The following GALE variants were observed in gnomAD, a reference collection of about 807,000 sequenced individuals.
GALE encodes UDP-glucose 4-epimerase.
A neutral mutation model predicts 44.1 loss-of-function variants in GALE; 32 were observed. The ratio of observed to expected loss-of-function variants is 0.73; its 90% CI spans 0.55 to 0.97. The LOEUF (loss-of-function observed/expected upper bound fraction) is 0.97, where lower values mean the gene tolerates loss of function less well. Ranked by LOEUF, GALE falls within the 50% of genes least tolerant of loss-of-function variation. GALE has a pLI of 0.00. For synonymous variants in GALE, 182 were observed against 183.5 expected, an observed-to-expected ratio of 0.99 and a Z score of 0.06; for missense variants, 423 against 455.6, an observed-to-expected ratio of 0.93 and a Z score of 0.65.
intron 6 of GALE, 132 bp downstream of exon 6, chr1:23,797,563 C>A: frequency 1.2e-6 from 1 of 858,306 alleles, no homozygotes; most frequent in Non-Finnish European, 1.9e-6. Flanking sequence ...GGGATGGGGC[C>A]CTCCACTGCA....
At position 23,795,659 on chromosome 1, in the gene GALE, A is replaced by G. The variant is rs1638923465; in HGVS notation, c.*290T>C. The G allele has an allele frequency of 8.8e-6, 5 of 569,406 alleles. No individual in the cohort carries two copies. Among genetic ancestry groups the G allele is most frequent in the Non-Finnish European group, 1.6e-5 (5 of 318,330 alleles). The allele number at this position is 569,406 out of a possible 1,614,324, so 35.3% of individuals were successfully genotyped here. A position where few individuals can be genotyped will look rare whatever the true frequency, so the allele number is the denominator to read the frequency against. On this transcript the variant is annotated 3_prime_UTR_variant, in exon 12 of 12. Coordinates refer to ENST00000617979, the MANE Select transcript of GALE (RefSeq NM_001008216.2). ...CTTTGGAAAGCTCTTTCAGAGCAAT[A>G]TAAATGAGTGCCTGGGAGGAGGAGG... is the stretch of plus-strand genomic sequence containing the variant.
At chr1:23,797,936 C>T in intron 5 of GALE, 65 bp from the exon 6 acceptor site, 1 of 1,545,410 alleles carries the variant, frequency 6.5e-7, no homozygotes, top group Admixed American at 1.7e-5. Flanking sequence ...TGTTACTCCT[C>T]CACAGGAGAA....
At chr1:23,797,926 T>C in intron 5 of GALE, 55 bp from the exon 6 acceptor site, 1 of 1,574,284 alleles carries the variant, frequency 6.4e-7, no homozygotes, top group East Asian at 2.2e-5. Context: ...ACTCCCACCC[T>C]GTTACTCCTC....
intron 6 of GALE, 122 bp from the exon 7 acceptor site, chr1:23,797,269 G>A: frequency 1.4e-6 from 1 of 734,172 alleles, no homozygotes; most frequent in Non-Finnish European, 2.4e-6. Context: ...GCCCAGGCTG[G>A]AGTGTAGTGG....
chr1:23,798,562 T>C lies in GALE; in HGVS notation c.237+53A>G. Reference sequence around the variant, plus strand: ...CTCAAGTGATCTCCTCACCTCGGCCTTCCAAAGTGCTGGAATTACAGGCGT... The same window carrying C: ...CTCAAGTGATCTCCTCACCTCGGCCCTCCAAAGTGCTGGAATTACAGGCGT... On this transcript the variant is annotated intron_variant, in intron 4 of 11. Transcript: ENST00000617979. The surrounding 1 kb of genome is among the most constrained non-coding windows in gnomAD (Gnocchi z 4.5). 7.4e-7 allele frequency: 1 copy of C among 1,345,422 alleles called. No individual in the cohort carries two copies. The highest frequency in any genetic ancestry group is 2.3e-5 in the East Asian group (1 of 43,680). The allele number at this position is 1,345,422 out of a possible 1,614,324, so 83.3% of individuals were successfully genotyped here.
Position 23,798,565 on chromosome 1 carries a change from C to G in GALE, c.237+50G>C, listed in dbSNP as rs772072467. 3.6e-6 allele frequency: 5 copies of G among 1,381,704 alleles called. No individual in the cohort carries two copies. Among genetic ancestry groups the G allele is most frequent in the Non-Finnish European group, 4.1e-6 (4 of 970,874 alleles). 85.6% of individuals were successfully genotyped at this position (1,381,704 alleles called of 1,614,324 possible). On this transcript the variant is annotated intron_variant, in intron 4 of 11. Coordinates refer to ENST00000617979, the MANE Select transcript of GALE (RefSeq NM_001008216.2). The surrounding 1 kb of genome is among the most constrained non-coding windows in gnomAD (Gnocchi z 4.5). The stretch of plus-strand genomic sequence containing the variant: ...AAGTGATCTCCTCACCTCGGCCTTC[C>G]AAAGTGCTGGAATTACAGGCGTGAG...
rs112486608 is a variant in GALE at position 23,798,331 on chromosome 1, G to A, written c.238-101C>T. 5.5e-3 allele frequency: 4,523 copies of A among 815,362 alleles called. 129 individuals carry two copies. The African/African-American group carries it at 0.067, about 12-fold the overall frequency. The allele number at this position is 815,362 out of a possible 1,614,324, so 50.5% of individuals were successfully genotyped here. On this transcript the variant is annotated intron_variant, in intron 4 of 11. Coordinates refer to ENST00000617979, the MANE Select transcript of GALE (RefSeq NM_001008216.2). The surrounding 1 kb of genome is among the most constrained non-coding windows in gnomAD (Gnocchi z 4.5). ...CTCACCTTTTTTTTTTTTTTTGACA[G>A]TCTCGCTCTGTTGTCCAGGCTGGAG...
chr1:23,797,752 G>C lies in GALE; in HGVS notation c.471C>G (p.Tyr157Ter). Reference sequence around the variant, plus strand: ...CCTCGATGAAGAACTTGGACTTGCCGTAAGGGTTGGTACAACCACCCGTGG... The same window carrying C: ...CCTCGATGAAGAACTTGGACTTGCCCTAAGGGTTGGTACAACCACCCGTGG... ...AHPTGGCTNP[Y>*]GKSKFFIEEM... Residue 157 changes from tyrosine to a stop codon, truncating the protein, a stop_gained, in exon 6 of 12, where the codon TAC becomes TAG. Transcript: ENST00000617979. LOFTEE classifies it high-confidence loss of function. The C allele has an allele frequency of 6.2e-7, 1 of 1,614,154 alleles. No individual in the cohort carries two copies. The highest frequency in any genetic ancestry group is 8.5e-7 in the Non-Finnish European group (1 of 1,180,014).
At position 23,796,662 on chromosome 1, in the gene GALE, C is replaced by T. The variant is rs377605214; in HGVS notation, c.795+35G>A. On this transcript the variant is annotated intron_variant, in intron 9 of 11. Transcript: ENST00000617979. This position sits in a 1 kb window ranked among gnomAD's most constrained non-coding sequence, Gnocchi z 5.2. ...CTGGGCCGCTCTGCCTGGATCTGGT[C>T]CCTCCCCTCCCTCACTTCTCCCTTC... The T allele has an allele frequency of 4.8e-5, 77 of 1,606,496 alleles. No individual in the cohort carries two copies. The African/African-American group carries it at 9.7e-4, about 20-fold the overall frequency.
rs199904829 is a variant in GALE, at chr1:23,797,074, G to T, written c.602C>A (p.Pro201His). 1 of 1,613,676 alleles carries T rather than the reference G, an allele frequency of 6.2e-7. No homozygotes were observed. Among genetic ancestry groups the T allele is most frequent in the South Asian group, 1.1e-5 (1 of 90,972 alleles). The change falls in exon 7 of 12, where the codon CCC (proline) becomes CAC (histidine). Residue 201 changes from proline to histidine, a missense_variant. Physicochemically the swap from Pro to His is moderately conservative, Grantham distance 77. Transcript: ENST00000617979. ...AHASGCIGED[P>H]QGIPNNLMPY... ...CATGAGGTTGTTGGGTATGCCCTGG[G>T]GATCCTCACCAATGCAGCCAGAGGC...
chr1:23,797,185 A>G, intron 6 of GALE, 38 bp from the exon 7 acceptor site: 2 of 1,437,116 alleles, frequency 1.4e-6, no homozygotes, highest in Non-Finnish European at 1.9e-6. Flanking sequence ...CCAGAGGCAC[A>G]GGCAGCGTGT....
At position 23,796,469 on chromosome 1, in the gene GALE, G is replaced by GGGGTGAGGT. The variant is rs761650718; in HGVS notation, c.873+31_873+39dup. On this transcript the variant is annotated intron_variant, in intron 10 of 11. Transcript: ENST00000617979. The surrounding 1 kb of genome is among the most constrained non-coding windows in gnomAD (Gnocchi z 5.2). ...GCTGCTCTGTTGCTGAGAGCTGGGT[G>GGGGTGAGGT]GGGTGAGGTGGGTGAGGTGGGTGGG... The GGGGTGAGGT allele has an allele frequency of 8.5e-5, 135 of 1,596,800 alleles. No homozygotes were observed. In the Admixed American group the frequency reaches 8.5e-4, roughly 10 times the overall value.
At position 23,797,063 on chromosome 1, in the gene GALE, G is replaced by A. The variant is rs753452780; in HGVS notation, c.613C>T (p.Pro205Ser). ...GAGACATAAGGCATGAGGTTGTTGGGTATGCCCTGGGGATCCTCACCAATG... is the reference window on the plus strand; with the variant it reads ...GAGACATAAGGCATGAGGTTGTTGGATATGCCCTGGGGATCCTCACCAATG... ...GCIGEDPQGI[P>S]NNLMPYVSQV... The change falls in exon 7 of 12, where the codon CCC becomes TCC. Residue 205 changes from proline (P) to serine (S), a missense_variant. Transcript: ENST00000617979. The A allele has an allele frequency of 3.4e-5, 55 of 1,613,620 alleles. No homozygotes were observed. Among genetic ancestry groups the A allele is most frequent in the Non-Finnish European group, 4.6e-5 (54 of 1,179,840 alleles).
chr1:23,796,150 C>A lies in GALE; in HGVS notation c.988+1G>T. 1 of 1,612,860 alleles carries A rather than the reference C, an allele frequency of 6.2e-7. No homozygotes were observed. The highest frequency in any genetic ancestry group is 8.5e-7 in the Non-Finnish European group (1 of 1,178,892). On this transcript the variant is annotated splice_donor_variant, in intron 11 of 11. Coordinates refer to ENST00000617979, the MANE Select transcript of GALE (RefSeq NM_001008216.2). LOFTEE classifies it high-confidence loss of function. The surrounding 1 kb of genome is among the most constrained non-coding windows in gnomAD (Gnocchi z 5.2). ...ACTGCAGGGGTCAGGCCAGCACTCA[C>A]ACATCCTGTCCAGCCCTAAGGCTGC... is the stretch of plus-strand genomic sequence containing the variant.
At position 23,798,491 on chromosome 1, in the gene GALE, A is replaced by C. The variant is rs1367642471; in HGVS notation, c.237+124T>G. 1 of 767,948 alleles carries C rather than the reference A, an allele frequency of 1.3e-6. No homozygotes were observed. Among genetic ancestry groups the C allele is most frequent in the East Asian group, 2.6e-5 (1 of 38,462 alleles). 47.6% of individuals were successfully genotyped at this position (767,948 alleles called of 1,614,324 possible). ...AGCTAATTTTTGTATTTTTCTGTAG[A>C]GATGGGGTTTCACTGTGTTGAGCAG... On this transcript the variant is annotated intron_variant, in intron 4 of 11. Coordinates refer to ENST00000617979, the MANE Select transcript of GALE (RefSeq NM_001008216.2). The surrounding 1 kb of genome is among the most constrained non-coding windows in gnomAD (Gnocchi z 4.5).
Position 23,796,557 on chromosome 1 carries a change from A to C in GALE, c.825T>G (p.Tyr275Ter). The change falls in exon 10 of 12, where the codon TAT (tyrosine) becomes TAG (stop). Residue 275 changes from tyrosine to a stop codon, truncating the protein, a stop_gained. Transcript: ENST00000617979. LOFTEE classifies it high-confidence loss of function. The surrounding 1 kb of genome is among the most constrained non-coding windows in gnomAD (Gnocchi z 5.2). ...RIYNLGTGTG[Y>*]SVLQMVQAME... Reference sequence around the variant, plus strand: ...TAGCCTGGACCATCTGCAGCACTGAATAGCCTGTGCCCGTGCCCAGGTTGT... The same window carrying C: ...TAGCCTGGACCATCTGCAGCACTGACTAGCCTGTGCCCGTGCCCAGGTTGT... 6.2e-7 allele frequency: 1 copy of C among 1,614,018 alleles called. No individual in the cohort carries two copies. The highest frequency in any genetic ancestry group is 8.5e-7 in the Non-Finnish European group (1 of 1,179,990).
chr1:23,798,845 T>C lies in GALE; in HGVS notation c.121+42A>G, dbSNP rs752718155. ...GAGGTGGAACCCAGGGTTTTGCTTC[T>C]GCCATCCCCTCAAGTAGCCCCAGCC... On this transcript the variant is annotated intron_variant, in intron 3 of 11. Coordinates refer to ENST00000617979, the MANE Select transcript of GALE (RefSeq NM_001008216.2). This position sits in a 1 kb window ranked among gnomAD's most constrained non-coding sequence, Gnocchi z 4.5. 8 of 1,613,928 alleles carry C rather than the reference T, an allele frequency of 5.0e-6. No homozygotes were observed. Among genetic ancestry groups the C allele is most frequent in the Non-Finnish European group, 5.9e-6 (7 of 1,179,940 alleles).
rs1330838796 is a variant in GALE, at chr1:23,796,335, AAGC to A, written c.874-73_874-71del. On this transcript the variant is annotated intron_variant, in intron 10 of 11. Coordinates refer to ENST00000617979, the MANE Select transcript of GALE (RefSeq NM_001008216.2). The surrounding 1 kb of genome is among the most constrained non-coding windows in gnomAD (Gnocchi z 5.2). Reference sequence around the variant, plus strand: ...CCCAGCTGCTGGCCAGGTCTTTAAGAAGCAGAAGTGCAGAGCAGCGGCTGGCCC... The same window carrying A: ...CCCAGCTGCTGGCCAGGTCTTTAAGAAGAAGTGCAGAGCAGCGGCTGGCCC... 1 of 1,514,184 alleles carries A rather than the reference AAGC, an allele frequency of 6.6e-7. No homozygotes were observed. Among genetic ancestry groups the A allele is most frequent in the Non-Finnish European group, 9.2e-7 (1 of 1,089,342 alleles). The allele number at this position is 1,514,184 out of a possible 1,614,324, so 93.8% of individuals were successfully genotyped here.
rs552092525 is a variant in GALE, at chr1:23,797,124, G to C, written c.552C>G (p.Arg184=). 3.1e-6 allele frequency: 5 copies of C among 1,611,664 alleles called. No individual in the cohort carries two copies. In the African/African-American group the frequency reaches 6.7e-5, roughly 21 times the overall value. The part of the protein sequence containing the change: ...ADKTWNAVLL[R]YFNPTGAHAS... Reference sequence around the variant, plus strand: ...CATGGGCACCTGTGGGGTTGAAATAGCGCAGCAGCACTGCGTTCCAAGTCT... The same window carrying C: ...CATGGGCACCTGTGGGGTTGAAATACCGCAGCAGCACTGCGTTCCAAGTCT... The change falls in exon 7 of 12, where the codon CGC becomes CGG. Residue 184 remains arginine, a synonymous_variant. Transcript: ENST00000617979.
Sources: allele counts gnomAD v4.1 joint callset, GRCh38; gene constraint gnomAD v4.1.1; non-coding constraint Gnocchi (gnomAD v3.1); transcripts MANE v1.5; gene names NCBI Gene and HGNC (gene_info 2026-07-23, HGNC 2026-07-21).